The following TMEM74 variants were observed in gnomAD, a reference collection of about 807,000 sequenced individuals.
TMEM74 encodes the protein transmembrane protein 74.
Under a neutral mutation model 18.1 loss-of-function variants are expected in TMEM74, and 13 were observed. The observed-to-expected ratio is 0.72, with a 90% CI of 0.47 to 1.14. The LOEUF (loss-of-function observed/expected upper bound fraction) is 1.14, where lower values mean the gene tolerates loss of function less well. Among genes scored for constraint, TMEM74 ranks in the 50% most tolerant of loss-of-function variants. The pLI, the probability that TMEM74 is intolerant of heterozygous loss-of-function variation, is 0.00. For missense variants in TMEM74, 372 were observed against 375.9 expected (o/e 0.99, Z 0.09); for synonymous variants, 159 against 146.6 (o/e 1.08, Z -0.61).
intron 1 of TMEM74, among the ~76,000 whole-genome samples, chr8:108,657,845 AAAAAAAAAAAAAAAATATATAT>A (rs1177497911): frequency 3.0e-4 from 7 of 23,626 alleles, no homozygotes; most frequent in African/African-American, 1.0e-3. Context: ...ACCGTCTCAA[AAAAAAAAAAAAAAAATATATAT>A]ATATATATAT....
At chr8:108,640,115 C>CTTTT (rs35455409) in intron 2 of TMEM74, among the ~76,000 whole-genome samples, 200 of 78,812 alleles carry the variant, frequency 2.5e-3, no homozygotes, top group Non-Finnish European at 3.0e-3. Context: ...ATAGTAATCA[C>CTTTT]TTTTTTTTTT....
intron 1 of TMEM74, among the ~76,000 whole-genome samples, chr8:108,735,980 C>T (rs1371143113): frequency 1.3e-5 from 2 of 152,108 alleles, no homozygotes; most frequent in Non-Finnish European, 2.9e-5. Context: ...TCAAATCACT[C>T]GCCTTCTTTT....
At chr8:108,737,319 C>T (rs1297278156) in intron 1 of TMEM74, among the ~76,000 whole-genome samples, 12 of 152,106 alleles carry the variant, frequency 7.9e-5, no homozygotes, top group Non-Finnish European at 1.2e-4. Context: ...TCCTTTATTT[C>T]CTTTGGGTCT....
chr8:108,741,849 TA>T (rs1813804465), intron 1 of TMEM74, among the ~76,000 whole-genome samples: 1 of 152,124 alleles, frequency 6.6e-6, no homozygotes, highest in Non-Finnish European at 1.5e-5. Context: ...TTTGGCCTAC[TA>T]GAATTTTGTG....
intron 1 of TMEM74, among the ~76,000 whole-genome samples, chr8:108,719,952 A>T (rs973500158): frequency 6.6e-6 from 1 of 152,172 alleles, no homozygotes; most frequent in Non-Finnish European, 1.5e-5. Context: ...GTATATTTTT[A>T]AAAAATCATG....
At chr8:108,772,744 A>G (rs544022943) in intron 1 of TMEM74, among the ~76,000 whole-genome samples, 1 of 152,280 alleles carries the variant, frequency 6.6e-6, no homozygotes, top group African/African-American at 2.4e-5. Context: ...ACCACTTGGT[A>G]ACTTTAACCT....
In TMEM74 at chr8:108,783,644, A is replaced by C. The variant is rs868063621; in HGVS notation, c.*537T>G. On this transcript the variant is annotated 3_prime_UTR_variant, in exon 2 of 2. Transcript: ENST00000297459. ...CATTTTTTACAATAAGGAAAGCCCA[A>C]CATCCTCAAACTTCAAAATATTCAA... 6.6e-6 allele frequency: 1 copy of C among 152,202 alleles called. No homozygotes were observed. The highest frequency in any genetic ancestry group is 2.4e-5 in the African/African-American group (1 of 41,446). 9.4% of individuals were successfully genotyped at this position (152,202 alleles called of 1,614,324 possible).
chr8:108,702,154 C>T (rs1002028883), intron 1 of TMEM74, among the ~76,000 whole-genome samples: 1 of 151,642 alleles, frequency 6.6e-6, no homozygotes, highest in African/African-American at 2.4e-5. Flanking sequence ...ACCTGCCTGG[C>T]CAACGTAGTG....
chr8:108,769,323 T>A (rs1482969320), intron 1 of TMEM74, among the ~76,000 whole-genome samples: 5 of 152,056 alleles, frequency 3.3e-5, no homozygotes, highest in Admixed American at 1.3e-4. Context: ...CAAGACTCTA[T>A]CTTACACACA....
At chr8:108,768,081 T>G (rs1814130550) in intron 1 of TMEM74, among the ~76,000 whole-genome samples, 1 of 152,154 alleles carries the variant, frequency 6.6e-6, no homozygotes, top group Non-Finnish European at 1.5e-5. Context: ...AAGCCCAGCC[T>G]TACTCCAGTT....
rs191177466 is a variant in TMEM74, at chr8:108,732,736, G to A, written n.119+54740C>T. 5.8e-3 allele frequency among the ~76,000 whole-genome samples: 875 copies of A among 150,770 alleles called. 10 individuals are homozygous for A. Among genetic ancestry groups the A allele is most frequent in the African/African-American group, 0.02 (826 of 40,734 alleles). On this transcript the variant is annotated intron_variant and non_coding_transcript_variant, in intron 1 of 3. Coordinates refer to the TMEM74 transcript ENST00000518838. ...CAAAAATTAATTTGAAATTGATCATGGGCCTATAAGGAAAAGCTACAATTA... is the reference window on the plus strand; with the variant it reads ...CAAAAATTAATTTGAAATTGATCATAGGCCTATAAGGAAAAGCTACAATTA...
rs1304814453 is a variant in TMEM74 at position 108,756,703 on chromosome 8, GGAAA to G, written n.119+30769_119+30772del. ...AAGAAAGAAAGAAAGAAAGAAGGAA[GGAAA>G]GAAAGAAAGAAAGAGAAAGAAAGAA... On this transcript the variant is annotated intron_variant and non_coding_transcript_variant, in intron 1 of 3. Coordinates refer to the TMEM74 transcript ENST00000518838. 4.1e-4 allele frequency among the ~76,000 whole-genome samples: 28 copies of G among 69,112 alleles called. 1 individual carries two copies. Among genetic ancestry groups the G allele is most frequent in the Middle Eastern group, 0.011 (1 of 92 alleles). The allele number at this position is 69,112 out of a possible 152,430, so 45.3% of individuals were successfully genotyped here.
Position 108,610,260 on chromosome 8 carries a change from G to C in TMEM74, n.265-1434C>G, listed in dbSNP as rs546763767. 3.2e-3 allele frequency among the ~76,000 whole-genome samples: 484 copies of C among 152,202 alleles called. 2 individuals carry two copies. Among genetic ancestry groups the C allele is most frequent in the Middle Eastern group, 0.01 (3 of 292 alleles). On this transcript the variant is annotated intron_variant and non_coding_transcript_variant, in intron 2 of 3. Coordinates refer to the TMEM74 transcript ENST00000518838. ...ACTGAGATCATCCTTCCCCGAGATGGGGGGAGATAAGGGTGCTGACTCTAC... is the reference window on the plus strand; with the variant it reads ...ACTGAGATCATCCTTCCCCGAGATGCGGGGAGATAAGGGTGCTGACTCTAC...
At chr8:108,616,381 C>T (rs1344383051) in intron 2 of TMEM74, among the ~76,000 whole-genome samples, 3 of 152,140 alleles carry the variant, frequency 2.0e-5, no homozygotes, top group East Asian at 1.9e-4. Context: ...GAATACAATG[C>T]TTAGCTACAA....
chr8:108,662,505 C>A (rs80017009), intron 1 of TMEM74, among the ~76,000 whole-genome samples: 1 of 152,020 alleles, frequency 6.6e-6, no homozygotes, highest in Admixed American at 6.6e-5. Flanking sequence ...TAATGCCCTT[C>A]GTTTTTCCAC....
At chr8:108,688,648 T>C (rs1813195680) in intron 1 of TMEM74, among the ~76,000 whole-genome samples, 1 of 152,216 alleles carries the variant, frequency 6.6e-6, no homozygotes, top group Non-Finnish European at 1.5e-5. Flanking sequence ...AAAAGAAATA[T>C]TATTTTTAAA....
intron 1 of TMEM74, among the ~76,000 whole-genome samples, chr8:108,730,686 G>A (rs1321820843): frequency 7.2e-6 from 1 of 138,984 alleles, no homozygotes; most frequent in Non-Finnish European, 1.5e-5. Flanking sequence ...AGGTTGGAAT[G>A]CAGTGGAGCG....
chr8:108,622,402 G>A (rs973419123), intron 2 of TMEM74, among the ~76,000 whole-genome samples: 3 of 152,046 alleles, frequency 2.0e-5, no homozygotes, highest in Non-Finnish European at 2.9e-5. Context: ...TAATTTGTGG[G>A]GATAGGAGGC....
chr8:108,751,823 T>C (rs1813906655), intron 1 of TMEM74, among the ~76,000 whole-genome samples: 1 of 152,130 alleles, frequency 6.6e-6, no homozygotes, highest in Non-Finnish European at 1.5e-5. Flanking sequence ...ATAGATGATA[T>C]ACTGCCAATC....
Sources: allele counts gnomAD v4.1 joint callset (sites outside exome capture counted in the v4.1 genomes callset), GRCh38; gene constraint gnomAD v4.1.1; transcripts MANE v1.5; gene names NCBI Gene and HGNC (gene_info 2026-07-23, HGNC 2026-07-21).